The following KIAA1549L variants were observed in gnomAD, a reference collection of about 807,000 sequenced individuals.
The protein encoded by KIAA1549L is UPF0606 protein KIAA1549L.
A neutral mutation model predicts 160.7 loss-of-function variants in KIAA1549L; 88 were observed. That is an observed-to-expected ratio of 0.55 (90% CI 0.46 to 0.65). The LOEUF is 0.65. Ranked by LOEUF, KIAA1549L falls within the 30% of genes least tolerant of loss-of-function variation. KIAA1549L has a pLI of 0.00. For synonymous variants in KIAA1549L, 950 were observed against 976.7 expected (o/e 0.97, Z 0.51); for missense variants, 2,258 against 2,437.5 (o/e 0.93, Z 1.55).
intron 1 of KIAA1549L, among the ~76,000 whole-genome samples, chr11:33,388,395 A>G (rs1850213924): frequency 6.6e-6 from 1 of 152,142 alleles, no homozygotes; most frequent in African/African-American, 2.4e-5. Context: ...CCCTTCCACA[A>G]TGCATGGGGA....
At chr11:33,665,943 C>A (rs1852435084) in intron 20 of KIAA1549L, among the ~76,000 whole-genome samples, 1 of 152,202 alleles carries the variant, frequency 6.6e-6, no homozygotes, top group Admixed American at 6.5e-5. Flanking sequence ...GCAGCTGCAC[C>A]CAGGGAGCTC....
intron 1 of KIAA1549L, among the ~76,000 whole-genome samples, chr11:33,422,710 CCT>C (rs1851042660): frequency 6.6e-6 from 1 of 151,686 alleles, no homozygotes; most frequent in South Asian, 2.1e-4. Context: ...TATGCTCACT[CCT>C]CTTTCTGAGT....
intron 16 of KIAA1549L, among the ~76,000 whole-genome samples, chr11:33,625,313 A>G (rs1851073809): frequency 6.6e-6 from 1 of 152,076 alleles, no homozygotes; most frequent in South Asian, 2.1e-4. Flanking sequence ...TTCTAGTTCT[A>G]TATCCCTGAG....
At chr11:33,570,560 G>A (rs1357903748) in intron 9 of KIAA1549L, among the ~76,000 whole-genome samples, 1 of 152,084 alleles carries the variant, frequency 6.6e-6, no homozygotes, top group African/African-American at 2.4e-5. Context: ...TTTCCCACTA[G>A]GGAAAGGAAT....
At chr11:33,468,404 A>G (rs959296784) in intron 1 of KIAA1549L, among the ~76,000 whole-genome samples, 1 of 152,264 alleles carries the variant, frequency 6.6e-6, no homozygotes, top group African/African-American at 2.4e-5. Flanking sequence ...CACTGTAATT[A>G]CAGAGAAATA....
chr11:33,530,652 GATAAT>G (rs1853748382), intron 1 of KIAA1549L, among the ~76,000 whole-genome samples: 1 of 151,662 alleles, frequency 6.6e-6, no homozygotes, highest in Non-Finnish European at 1.5e-5. Context: ...TCTTGACACA[GATAAT>G]ATATTTCCAA....
rs562478104 is a variant in KIAA1549L, at chr11:33,494,122, G to C, written c.239-47680G>C. On this transcript the variant is annotated intron_variant, in intron 1 of 20. Transcript: ENST00000658780. ...TTGCCATCCTTCTTGTTGATTCTAT[G>C]GGTTCCTAAAAGCCTTCCTTGAAAT... Among the ~76,000 whole-genome samples, 10 of 152,220 alleles carry C rather than the reference G, an allele frequency of 6.6e-5. 1 individual carries two copies. The South Asian group carries it at 2.1e-3, about 32-fold the overall frequency.
intron 1 of KIAA1549L, among the ~76,000 whole-genome samples, chr11:33,448,815 G>A (rs1276714145): frequency 2.0e-5 from 3 of 152,158 alleles, no homozygotes; most frequent in Admixed American, 6.5e-5. Flanking sequence ...TCCAGGTTAT[G>A]TTCAGGTAAT....
intron 16 of KIAA1549L, among the ~76,000 whole-genome samples, chr11:33,632,021 A>T (rs1037574856): frequency 3.9e-5 from 6 of 152,226 alleles, no homozygotes; most frequent in African/African-American, 1.4e-4. Flanking sequence ...GGAATATCAA[A>T]ACCATAGGCT....
chr11:33,639,539 T>TATC (rs1372039586), intron 16 of KIAA1549L, among the ~76,000 whole-genome samples: 1 of 152,122 alleles, frequency 6.6e-6, no homozygotes, highest in African/African-American at 2.4e-5. Flanking sequence ...AAAGTTCTTT[T>TATC]ATTATTATTA....
intron 8 of KIAA1549L, among the ~76,000 whole-genome samples, chr11:33,563,561 C>A (rs1029314638): frequency 3.9e-5 from 6 of 152,088 alleles, no homozygotes; most frequent in Non-Finnish European, 8.8e-5. Flanking sequence ...CTGTACACCC[C>A]TGCTGGATGA....
chr11:33,525,977 C>A (rs1853601948), intron 1 of KIAA1549L, among the ~76,000 whole-genome samples: 1 of 152,092 alleles, frequency 6.6e-6, no homozygotes, highest in Non-Finnish European at 1.5e-5. Context: ...CTGCAGCAAG[C>A]CCTGCCCAAA....
At chr11:33,661,036 T>C (rs1590460168) in intron 20 of KIAA1549L, 22 bp downstream of exon 20, 1 of 1,589,058 alleles carries the variant, frequency 6.3e-7, no homozygotes, top group Non-Finnish European at 8.6e-7. Flanking sequence ...GCTCTTCACC[T>C]CATAAAACTT....
chr11:33,488,638 A>C (rs567265349), intron 1 of KIAA1549L, among the ~76,000 whole-genome samples: 2 of 152,352 alleles, frequency 1.3e-5, no homozygotes, highest in African/African-American at 4.8e-5. Context: ...ATAAAGGTTA[A>C]TTAACTTGCC....
chr11:33,500,309 T>G (rs995796375), intron 1 of KIAA1549L, among the ~76,000 whole-genome samples: 3 of 152,176 alleles, frequency 2.0e-5, no homozygotes, highest in African/African-American at 4.8e-5. Flanking sequence ...GTTGTAGTAC[T>G]GATATGAGAA....
At chr11:33,471,676 G>GTCTC (rs1232476228) in intron 1 of KIAA1549L, among the ~76,000 whole-genome samples, 1 of 152,162 alleles carries the variant, frequency 6.6e-6, no homozygotes, top group East Asian at 1.9e-4. Context: ...CCTAGAAGGA[G>GTCTC]TCTCCTTCCC....
intron 3 of KIAA1549L, among the ~76,000 whole-genome samples, 161 bp from the exon 4 acceptor site, chr11:33,547,603 C>G (rs986795794): frequency 2.0e-5 from 3 of 152,194 alleles, no homozygotes; most frequent in African/African-American, 7.2e-5. Context: ...TTTAGCGGGA[C>G]CCACAGAGCT....
At chr11:33,439,395 T>G (rs1851447285) in intron 1 of KIAA1549L, among the ~76,000 whole-genome samples, 1 of 151,550 alleles carries the variant, frequency 6.6e-6, no homozygotes, top group African/African-American at 2.4e-5. Flanking sequence ...TATCAATTCT[T>G]TTTTTTTGTT....
At chr11:33,617,341 C>T (rs1270534797) in intron 15 of KIAA1549L, among the ~76,000 whole-genome samples, 1 of 152,154 alleles carries the variant, frequency 6.6e-6, no homozygotes, top group African/African-American at 2.4e-5. Context: ...AAAGCATAGC[C>T]AATCTCCTCA....
Sources: gnomAD v4.1 joint callset for allele counts (sites outside exome capture counted in the v4.1 genomes callset) on GRCh38, gnomAD v4.1.1 for gene constraint, MANE v1.5 for transcripts, NCBI Gene and HGNC (gene_info 2026-07-23, HGNC 2026-07-21) for gene names.